SNX13: variants seen among roughly 807,000 people sequenced by gnomAD.
SNX13 encodes sorting nexin-13.
Under a neutral mutation model 133.6 loss-of-function variants are expected in SNX13, and 45 were observed. The observed-to-expected ratio is 0.34, with a 90% confidence interval of 0.27 to 0.43. The LOEUF (loss-of-function observed/expected upper bound fraction) is 0.43, where lower values mean the gene tolerates loss of function less well. Among genes scored for constraint, SNX13 ranks in the 20% least tolerant of loss-of-function variants. The pLI is 1.00. For synonymous variants in SNX13, 414 were observed against 373.9 expected (o/e 1.11, Z -1.24); for missense variants, 1,032 against 1,145.1 (o/e 0.90, Z 1.43).
chr7:17,896,994 TACTTATTA>T (rs1310737529), intron 2 of SNX13, among the ~76,000 whole-genome samples: 2 of 152,146 alleles, frequency 1.3e-5, no homozygotes, highest in Non-Finnish European at 2.9e-5. Context: ...CAATTTAACT[TACTTATTA>T]ACATAATGCA....
intron 1 of SNX13, among the ~76,000 whole-genome samples, chr7:17,926,598 A>C (rs1040958671): frequency 6.6e-6 from 1 of 152,194 alleles, no homozygotes; most frequent in Non-Finnish European, 1.5e-5. Flanking sequence ...ACAGACTACT[A>C]CTCCAGACCA....
rs563873856 is a variant in SNX13, at chr7:17,810,695, C to CA, written c.2064+4138dup. On this transcript the variant is annotated intron_variant, in intron 20 of 25. Coordinates refer to ENST00000428135, the MANE Select transcript of SNX13 (RefSeq NM_015132.5). Reference sequence around the variant, plus strand: ...ATACCAAAACCTGTCAGAGACACAACAAAAAAAGAGAAAATTTCAGGCCAA... The same window carrying CA: ...ATACCAAAACCTGTCAGAGACACAACAAAAAAAAGAGAAAATTTCAGGCCAA... Among the ~76,000 whole-genome samples, 11 of 152,162 alleles carry CA rather than the reference C, an allele frequency of 7.2e-5. No individual in the cohort carries two copies. The East Asian group carries it at 1.4e-3, about 19-fold the overall frequency.
intron 4 of SNX13, among the ~76,000 whole-genome samples, chr7:17,890,922 T>C (rs1796554033): frequency 6.6e-6 from 1 of 151,954 alleles, no homozygotes; most frequent in Admixed American, 6.6e-5. Context: ...TGCAGTCTAA[T>C]TATAAAAATG....
At chr7:17,877,613 C>T (rs1794870762) in intron 5 of SNX13, among the ~76,000 whole-genome samples, 1 of 152,016 alleles carries the variant, frequency 6.6e-6, no homozygotes. Context: ...ATTTAATTTA[C>T]TGAAACTTTC....
At chr7:17,823,498 G>A (rs1248372223) in intron 17 of SNX13, among the ~76,000 whole-genome samples, 1 of 152,166 alleles carries the variant, frequency 6.6e-6, no homozygotes, top group African/African-American at 2.4e-5. Context: ...TTGGACAGAA[G>A]CTCTTCCCAA....
chr7:17,825,638 CCA>C (rs924435642), intron 17 of SNX13, among the ~76,000 whole-genome samples: 1 of 152,094 alleles, frequency 6.6e-6, no homozygotes, highest in Non-Finnish European at 1.5e-5. Context: ...TTCATTTACC[CCA>C]GTTATCTAGC....
intron 1 of SNX13, among the ~76,000 whole-genome samples, chr7:17,914,041 T>C (rs1799288963): frequency 6.6e-6 from 1 of 151,814 alleles, no homozygotes; most frequent in African/African-American, 2.4e-5. Context: ...CATAGCTGTA[T>C]TAAGAAAGAA....
rs573584402 is a variant in SNX13, at chr7:17,859,322, G to A, written c.838-8358C>T. 3.3e-5 allele frequency among the ~76,000 whole-genome samples: 5 copies of A among 151,950 alleles called. No individual in the cohort carries two copies. In the East Asian group the frequency reaches 9.7e-4, roughly 29 times the overall value. ...CAGGCCAATAATCACAGGAAAAGAC[G>A]CTCGGTATCATTAGTAATAAAGAAA... On this transcript the variant is annotated intron_variant, in intron 9 of 25. Transcript: ENST00000428135.
chr7:17,847,966 G>A (rs928172385), intron 11 of SNX13, among the ~76,000 whole-genome samples: 2 of 152,112 alleles, frequency 1.3e-5, no homozygotes, highest in African/African-American at 4.8e-5. Flanking sequence ...AGAAAAGGGT[G>A]GTCCCTGGCG....
At chr7:17,851,081 C>A in intron 9 of SNX13, 117 bp from the exon 10 acceptor site, 3 of 1,067,122 alleles carry the variant, frequency 2.8e-6, no homozygotes, top group Non-Finnish European at 4.0e-6. Context: ...GTGCTTACAA[C>A]AAAAAGAAAA....
At chr7:17,857,842 G>A (rs1583503599) in intron 9 of SNX13, among the ~76,000 whole-genome samples, 1 of 152,068 alleles carries the variant, frequency 6.6e-6, no homozygotes, top group Non-Finnish European at 1.5e-5. Context: ...TTAAGTGGGT[G>A]GGATTCATCA....
chr7:17,796,878 G>A lies in SNX13; in HGVS notation c.2575C>T (p.Arg859Ter). ...TTTCCTGCTACTCTTGTTCTCATTC[G>A]AATACTTTTATCTCTGCATGGAACA... The part of the protein sequence containing the change: ...EAVPCRDKSI[R>*]MRTRVAGKTK... Residue 859 changes from arginine (R) to a stop codon, truncating the protein, a stop_gained, in exon 25 of 26, where the codon CGA (arginine) becomes TGA (stop). Transcript: ENST00000428135. LOFTEE classifies it high-confidence loss of function. 1.2e-6 allele frequency: 2 copies of A among 1,611,098 alleles called. No individual in the cohort carries two copies. The highest frequency in any genetic ancestry group is 1.7e-6 in the Non-Finnish European group (2 of 1,178,128).
At chr7:17,936,840 G>GA (rs906900906) in intron 1 of SNX13, among the ~76,000 whole-genome samples, 58 of 141,760 alleles carry the variant, frequency 4.1e-4, no homozygotes, top group Admixed American at 1.3e-3. Context: ...AAAAAAAAAA[G>GA]AAAAAAAAAG....
rs1791107428 is a variant in SNX13 at position 17,850,772 on chromosome 7, G to A, written c.976+54C>T. The A allele has an allele frequency of 2.3e-5, 31 of 1,330,732 alleles. No homozygotes were observed. In the South Asian group the frequency reaches 4.6e-4, roughly 20 times the overall value. The allele number at this position is 1,330,732 out of a possible 1,614,324, so 82.4% of individuals were successfully genotyped here. On this transcript the variant is annotated intron_variant, in intron 10 of 25. Coordinates refer to ENST00000428135, the MANE Select transcript of SNX13 (RefSeq NM_015132.5). The stretch of plus-strand genomic sequence containing the variant: ...ATTTAGGTAAATTAATCAAAGTTTT[G>A]AAGATAAAATAATACTTCAAAAAAA...
intron 5 of SNX13, chr7:17,879,570 T>C (rs144550191): frequency 6.6e-6 from 1 of 152,226 alleles, no homozygotes; most frequent in Non-Finnish European, 1.5e-5. Flanking sequence ...AAGTAGAATA[T>C]GTACTGAGAA....
chr7:17,882,874 C>A, intron 5 of SNX13: 1 of 1,281,636 alleles, frequency 7.8e-7, no homozygotes, highest in African/African-American at 1.5e-5. Context: ...AAACAGGGTT[C>A]CAGGAAGCGG....
intron 25 of SNX13, chr7:17,794,918 C>A (rs1375740837): frequency 6.6e-6 from 1 of 151,560 alleles, no homozygotes; most frequent in Non-Finnish European, 1.5e-5. Context: ...GGGAGACTTT[C>A]AGATGCGATA....
chr7:17,921,278 C>T (rs1800098124), intron 1 of SNX13, among the ~76,000 whole-genome samples: 1 of 152,156 alleles, frequency 6.6e-6, no homozygotes, highest in South Asian at 2.1e-4. Flanking sequence ...ACCCACTAAG[C>T]CTTGTTATCC....
intron 1 of SNX13, among the ~76,000 whole-genome samples, chr7:17,900,649 G>C (rs1056455108): frequency 1.3e-5 from 2 of 152,148 alleles, no homozygotes; most frequent in African/African-American, 4.8e-5. Flanking sequence ...TAAGGACCAA[G>C]GGCTCTTCTG....
Sources: gnomAD v4.1 joint callset for allele counts (sites outside exome capture counted in the v4.1 genomes callset) on GRCh38, gnomAD v4.1.1 for gene constraint, MANE v1.5 for transcripts, NCBI Gene and HGNC (gene_info 2026-07-23, HGNC 2026-07-21) for gene names.